The following OPLAH variants were observed in gnomAD, a reference collection of about 807,000 sequenced individuals.
The protein encoded by OPLAH is 5-oxoprolinase, ATP-hydrolysing.
OPLAH carries 103 observed loss-of-function variants against 122.8 expected under a neutral mutation model. That is an observed-to-expected ratio of 0.84 (90% CI 0.71 to 0.99). The LOEUF is 0.99. OPLAH is among the 50% of genes least tolerant of loss of function. OPLAH has a pLI of 0.00. For missense variants in OPLAH, 1,902 were observed against 1,836.5 expected (o/e 1.04, Z -0.65); for synonymous variants, 875 against 796.0 (o/e 1.10, Z -1.67).
Position 144,058,352 on chromosome 8 carries a change from G to A in OPLAH, c.836C>T (p.Thr279Ile). The A allele has an allele frequency of 6.3e-7, 1 of 1,596,990 alleles. No individual in the cohort carries two copies. The highest frequency in any genetic ancestry group is 8.5e-7 in the Non-Finnish European group (1 of 1,174,498). ...GAGCACAGCACTGGAGCCGCTGAAG[G>A]TGTCCATGGGCGCCAGGCCGCCATC... ...RSDGGLAPMD[T>I]FSGSSAVLSG... The change falls in exon 7 of 27, where the codon ACC becomes ATC. Residue 279 changes from threonine (T) to isoleucine (I), a missense_variant. Thr to Ile is a moderately conservative substitution (Grantham distance 89). Around this residue, in one of 3 missense-constraint regions of OPLAH, gnomAD observed 1,726 missense variants for 1,642.1 expected, o/e 1.05. Transcript: ENST00000618853.
Position 144,060,042 on chromosome 8 carries a change from GC to G in OPLAH, c.-11del, listed in dbSNP as rs782512042. On this transcript the variant is annotated 5_prime_UTR_variant, in exon 2 of 27. Transcript: ENST00000618853. The stretch of plus-strand genomic sequence containing the variant: ...CCTCGGGGCTGCCCATGGTGGTGGG[GC>G]TGGAGTCCCACAGGAGCTCTTCAGC... The G allele has an allele frequency of 1.2e-6, 2 of 1,609,512 alleles. No individual in the cohort carries two copies. The highest frequency in any genetic ancestry group is 3.4e-5 in the Admixed American group (2 of 59,526).
downstream of OPLAH, chr8:144,050,861 G>A (rs556570719): frequency 2.0e-6 from 2 of 992,048 alleles, no homozygotes; most frequent in East Asian, 2.2e-4. Context: ...CCGAGGCGGT[G>A]AGTTGCGACC....
Position 144,057,638 on chromosome 8 carries a change from C to G in OPLAH, c.1232G>C (p.Gly411Ala). The change falls in exon 10 of 27, where the codon GGG becomes GCG. Residue 411 changes from glycine to alanine, a missense_variant. Physicochemically the swap from Gly to Ala is moderately conservative, Grantham distance 60 (BLOSUM62 0). Around this residue, in one of 3 missense-constraint regions of OPLAH, gnomAD observed 1,726 missense variants for 1,642.1 expected, o/e 1.05. Transcript: ENST00000618853. The part of the protein sequence containing the change: ...LLPASFPCIF[G>A]PGENQPLSPE... ...GGAAAGTGGTTGGTTCTCTCCCGGC[C>G]CAAAAATGCAGGGGAAGGAGGCAGG... is the stretch of plus-strand genomic sequence containing the variant. 1.9e-6 allele frequency: 3 copies of G among 1,603,430 alleles called. No individual in the cohort carries two copies. In the South Asian group the frequency reaches 3.3e-5, roughly 18 times the overall value.
chr8:144,054,829 G>A lies in OPLAH; in HGVS notation c.2494C>T (p.Leu832=), dbSNP rs1554758555. Residue 832 remains leucine, a synonymous_variant, in exon 18 of 27, where the codon CTG becomes TTG. Coordinates refer to ENST00000618853, the MANE Select transcript of OPLAH (RefSeq NM_017570.5). The stretch of plus-strand genomic sequence containing the variant: ...CCCCTCACCGGTGTGATAACAGTCA[G>A]GTCTGGCAGGTGGCTGCCCCCGGCA... ...PSAGGSHLPD[L]TVITPVFWPG... is the part of the protein sequence containing the mutation. The A allele has an allele frequency of 6.8e-6, 11 of 1,612,296 alleles. No homozygotes were observed. The Admixed American group carries it at 1.8e-4, about 27-fold the overall frequency.
rs1212221272 is a variant in OPLAH, at chr8:144,052,311, C to T, written c.3319G>A (p.Val1107Met). The change falls in exon 24 of 27, where the codon GTG becomes ATG. Residue 1107 changes from valine (V) to methionine (M), a missense_variant. Around this residue, in one of 3 missense-constraint regions of OPLAH, gnomAD observed 1,726 missense variants for 1,642.1 expected, o/e 1.05. Transcript: ENST00000618853. ...CAASQGCMNN[V>M]TLGNAHMGYY... Reference sequence around the variant, plus strand: ...CCCATGTGGGCGTTGCCCAGGGTCACGTTGTTCATGCAGCCCTGGTGAGGG... The same window carrying T: ...CCCATGTGGGCGTTGCCCAGGGTCATGTTGTTCATGCAGCCCTGGTGAGGG... 2.0e-5 allele frequency: 31 copies of T among 1,527,692 alleles called. No homozygotes were observed. Among genetic ancestry groups the T allele is most frequent in the South Asian group, 4.8e-5 (4 of 83,230 alleles). The allele number at this position is 1,527,692 out of a possible 1,614,324, so 94.6% of individuals were successfully genotyped here. A position where few individuals can be genotyped will look rare whatever the true frequency, so the allele number is the denominator to read the frequency against.
In OPLAH at chr8:144,051,376, G is replaced by T. The variant is rs1162518257; in HGVS notation, c.3817C>A (p.Pro1273Thr). The T allele has an allele frequency of 6.2e-7, 1 of 1,608,452 alleles. No homozygotes were observed. Among genetic ancestry groups the T allele is most frequent in the Non-Finnish European group, 8.5e-7 (1 of 1,178,174 alleles). The change falls in exon 27 of 27, where the codon CCC (proline) becomes ACC (threonine). Residue 1273 changes from proline (P) to threonine (T), a missense_variant. By Grantham distance (38) the Pro-to-Thr change is conservative. Transcript: ENST00000618853. ...TACTCATAGACGCTGCCGTGCTCGG[G>T]AAAGGCCAGTGCTTGCGGGGGCGAC... Reference protein sequence around the residue: ...PGSPPQALAFPEHGSVYEYRR... With the variant: ...PGSPPQALAFTEHGSVYEYRR...
chr8:144,057,512 A>T lies in OPLAH; in HGVS notation c.1358T>A (p.Val453Glu). ...GGCCACGCGCACGAACCCCATGGCC[A>T]CCTCCTCCAGGCTCAGCGGGGAGGC... ...CPASPLSLEE[V>E]AMGFVRVANE... The change falls in exon 10 of 27, where the codon GTG (valine) becomes GAG (glutamate). Residue 453 changes from valine (V) to glutamate (E), a missense_variant. Physicochemically the swap from Val to Glu is moderately radical, Grantham distance 121. Transcript: ENST00000618853. 3 of 1,599,234 alleles carry T rather than the reference A, an allele frequency of 1.9e-6. No homozygotes were observed. The highest frequency in any genetic ancestry group is 2.6e-6 in the Non-Finnish European group (3 of 1,173,538).
chr8:144,050,685 C>G, downstream of OPLAH: 2 of 985,502 alleles, frequency 2.0e-6, no homozygotes. Context: ...AAGAGCAGCC[C>G]TGGGCCCTGG....
At position 144,059,910 on chromosome 8, in the gene OPLAH, G is replaced by A. The variant is rs1554760502; in HGVS notation, c.123C>T (p.Ala41=). 2 of 1,612,824 alleles carry A rather than the reference G, an allele frequency of 1.2e-6. No homozygotes were observed. The highest frequency in any genetic ancestry group is 1.7e-5 in the Admixed American group (1 of 60,026). The change falls in exon 2 of 27, where the codon GCC becomes GCT. Residue 41 remains alanine (A), a synonymous_variant. Coordinates refer to ENST00000618853, the MANE Select transcript of OPLAH (RefSeq NM_017570.5). ...RVLKLLSEDP[A]NYADAPTEGI... ...CTTCGGTTGGCGCGTCCGCATAGTT[G>A]GCAGGGTCCTCTGAGAGCAGTTTTA... is the stretch of plus-strand genomic sequence containing the variant.
chr8:144,051,482 CGGGGGG>C lies in OPLAH; in HGVS notation c.3721-16_3721-11del. The C allele has an allele frequency of 3.6e-6, 1 of 278,318 alleles. No individual in the cohort carries two copies. Among genetic ancestry groups the C allele is most frequent in the Non-Finnish European group, 5.1e-6 (1 of 197,906 alleles). 17.2% of individuals were successfully genotyped at this position (278,318 alleles called of 1,614,324 possible). A position where few individuals can be genotyped will look rare whatever the true frequency, so the allele number is the denominator to read the frequency against. On this transcript the variant is annotated splice_polypyrimidine_tract_variant and intron_variant, in intron 26 of 26. Transcript: ENST00000618853. ...GGAGACAGAACACATCCTGTTGGCG[CGGGGGG>C]GGGCGGGGAGGCGGGCTCAGTGCAG...
At position 144,058,255 on chromosome 8, in the gene OPLAH, G is replaced by A. The variant is rs376447336; in HGVS notation, c.933C>T (p.Ile311=). Reference sequence around the variant, plus strand: ...CCCTCATACCTCCCATGTCAAAGCCGATGACAGGCTGGCCACCCTCCTGCT... The same window carrying A: ...CCCTCATACCTCCCATGTCAAAGCCAATGACAGGCTGGCCACCCTCCTGCT... The part of the protein sequence containing the change: ...TYQQEGGQPV[I]GFDMGGTSTD... The change falls in exon 7 of 27, where the codon ATC becomes ATT. Residue 311 remains isoleucine (I), a synonymous_variant. Coordinates refer to ENST00000618853, the MANE Select transcript of OPLAH (RefSeq NM_017570.5). 140 of 1,610,420 alleles carry A rather than the reference G, an allele frequency of 8.7e-5. 1 individual carries two copies. The highest frequency in any genetic ancestry group is 6.5e-4 in the Admixed American group (39 of 59,896).
In OPLAH at chr8:144,051,490, G is replaced by T. The variant is rs782550616; in HGVS notation, c.3721-18C>A. 2 of 1,427,052 alleles carry T rather than the reference G, an allele frequency of 1.4e-6. No individual in the cohort carries two copies. The highest frequency in any genetic ancestry group is 1.9e-6 in the Non-Finnish European group (2 of 1,078,228). The allele number at this position is 1,427,052 out of a possible 1,614,324, so 88.4% of individuals were successfully genotyped here. On this transcript the variant is annotated intron_variant, in intron 26 of 26. Transcript: ENST00000618853. The stretch of plus-strand genomic sequence containing the variant: ...AACACATCCTGTTGGCGCGGGGGGG[G>T]GCGGGGAGGCGGGCTCAGTGCAGGC...
intron 2 of OPLAH, 30 bp downstream of exon 2, chr8:144,059,832 T>C (rs782540143): frequency 8.3e-5 from 134 of 1,611,294 alleles, no homozygotes; most frequent in Non-Finnish European, 1.1e-4. Flanking sequence ...GGCCGTGGGG[T>C]CCCTGTCCAC....
chr8:144,057,425 C>A (rs782628877), intron 10 of OPLAH, 23 bp downstream of exon 10: 2 of 1,584,320 alleles, frequency 1.3e-6, no homozygotes, highest in South Asian at 2.3e-5. Flanking sequence ...GCAGGACAGG[C>A]GGGAGAGCAG....
chr8:144,056,131 C>A lies in OPLAH; in HGVS notation c.2096+16G>T, dbSNP rs1554758946. 3 of 1,597,634 alleles carry A rather than the reference C, an allele frequency of 1.9e-6. No homozygotes were observed. The highest frequency in any genetic ancestry group is 1.1e-5 in the South Asian group (1 of 90,574). On this transcript the variant is annotated intron_variant, in intron 15 of 26. Transcript: ENST00000618853. ...GACCCGTCCACATCCTCCACCCTGG[C>A]CGGACTTCAGCCCACCTGTTACTGT...
At chr8:144,061,198 G>C (rs541473628), upstream of OPLAH, among the ~76,000 whole-genome samples, 10 of 152,316 alleles carry the variant, frequency 6.6e-5, no homozygotes, top group Admixed American at 5.2e-4. Context: ...ATCTTGAATA[G>C]GAGCTGGCTA....
In OPLAH at chr8:144,058,680, T is replaced by C. The variant is rs1554760115; in HGVS notation, c.599A>G (p.His200Arg). Reference protein sequence around the residue: ...VLMHSYTWAQHEQQVGVLARE... With the variant: ...VLMHSYTWAQREQQVGVLARE... ...GGCCAGCACACCCACCTGCTGCTCA[T>C]GCTGGGCCCACCTATGACAAAAACC... The change falls in exon 6 of 27, where the codon CAT (histidine) becomes CGT (arginine). Residue 200 changes from histidine to arginine, a missense_variant. His to Arg is a conservative substitution (Grantham distance 29). Transcript: ENST00000618853. The C allele has an allele frequency of 6.3e-7, 1 of 1,590,716 alleles. No individual in the cohort carries two copies. Among genetic ancestry groups the C allele is most frequent in the Non-Finnish European group, 8.5e-7 (1 of 1,170,092 alleles).
At chr8:144,056,593 G>C in intron 13 of OPLAH, 25 bp downstream of exon 13, 1 of 1,612,274 alleles carries the variant, frequency 6.2e-7, no homozygotes, top group Non-Finnish European at 8.5e-7. Flanking sequence ...CCTTGCCAGG[G>C]ATCCGGAGTC....
rs782532685 is a variant in OPLAH, at chr8:144,057,471, G to A, written c.1399C>T (p.Arg467Trp). The stretch of plus-strand genomic sequence containing the variant: ...ACCTGCGTGAGTGCACGGATGGGCC[G>A]GCACATGGCCTCGTTGGCCACGCGC... ...FVRVANEAMC[R>W]PIRALTQARG... is the part of the protein sequence containing the mutation. The change falls in exon 10 of 27, where the codon CGG becomes TGG. Residue 467 changes from arginine (R) to tryptophan (W), a missense_variant. By Grantham distance (101) the Arg-to-Trp change is moderately radical. Transcript: ENST00000618853. 22 of 1,590,704 alleles carry A rather than the reference G, an allele frequency of 1.4e-5. No homozygotes were observed. The highest frequency in any genetic ancestry group is 5.3e-5 in the Admixed American group (3 of 56,086).
Sources: allele counts gnomAD v4.1 joint callset (sites outside exome capture counted in the v4.1 genomes callset), GRCh38; gene constraint gnomAD v4.1.1; regional missense constraint gnomAD v4.1.1; transcripts MANE v1.5; gene names NCBI Gene and HGNC (gene_info 2026-07-23, HGNC 2026-07-21).